Variants in B3GAT1 observed in about 807,000 individuals in gnomAD.
B3GAT1 encodes the protein galactosylgalactosylxylosylprotein 3-beta-glucuronosyltransferase 1.
Under a neutral mutation model 28.4 loss-of-function variants are expected in B3GAT1, and 11 were observed. The ratio of observed to expected loss-of-function variants is 0.39; its 90% CI spans 0.24 to 0.64. The LOEUF (loss-of-function observed/expected upper bound fraction) is 0.64, where lower values mean the gene tolerates loss of function less well. Ranked by LOEUF, B3GAT1 falls within the 30% of genes least tolerant of loss-of-function variation. The pLI is 0.50. For missense variants in B3GAT1, 375 were observed against 491.0 expected, an observed-to-expected ratio of 0.76 and a Z score of 2.23; for synonymous variants, 255 against 223.1, an observed-to-expected ratio of 1.14 and a Z score of -1.27.
intron 1 of B3GAT1, chr11:134,388,300 G>T: frequency 4.7e-6 from 1 of 214,796 alleles, no homozygotes; most frequent in South Asian, 8.6e-5. Flanking sequence ...ATGGGGCACT[G>T]TGGATCCCTA....
intron 1 of B3GAT1, among the ~76,000 whole-genome samples, chr11:134,401,538 A>G (rs554393895): frequency 3.8e-4 from 58 of 152,192 alleles, no homozygotes; most frequent in African/African-American, 1.3e-3. Context: ...GTACTCTTGG[A>G]CATAGAGATG....
chr11:134,400,725 GT>G (rs1267750997), intron 1 of B3GAT1, among the ~76,000 whole-genome samples: 1 of 152,182 alleles, frequency 6.6e-6, no homozygotes, highest in Admixed American at 6.5e-5. Context: ...TTATGGCTAA[GT>G]CCTCAAAAGC....
In B3GAT1 at chr11:134,384,054, G is replaced by C. The variant is rs780553907; in HGVS notation, c.247C>G (p.Leu83Val). ...GGCGTCACCACGTGGATGGTGGGCA[G>C]CGTGTCGGACCATGGCGGGGGCCGC... is the stretch of plus-strand genomic sequence containing the variant. ...YTRPPPWSDT[L>V]PTIHVVTPTY... Residue 83 changes from leucine (L) to valine (V), a missense_variant, in exon 3 of 6, where the codon CTG becomes GTG. Coordinates refer to ENST00000312527, the MANE Select transcript of B3GAT1 (RefSeq NM_054025.3). The C allele has an allele frequency of 5.6e-6, 9 of 1,605,142 alleles. No individual in the cohort carries two copies. Among genetic ancestry groups the C allele is most frequent in the Non-Finnish European group, 6.8e-6 (8 of 1,178,934 alleles).
At chr11:134,409,740 T>C (rs2136344756) in intron 1 of B3GAT1, 1 of 152,428 alleles carries the variant, frequency 6.6e-6, no homozygotes, top group African/African-American at 2.4e-5. Context: ...CTTCTGCCTG[T>C]GTGCCTCCCT....
chr11:134,396,096 C>T (rs1249765058), intron 1 of B3GAT1, among the ~76,000 whole-genome samples: 1 of 152,192 alleles, frequency 6.6e-6, no homozygotes, highest in Non-Finnish European at 1.5e-5. Flanking sequence ...GGATCTAGAG[C>T]CAATCTGCTA....
chr11:134,382,004 C>T lies in B3GAT1; in HGVS notation c.939G>A (p.Arg313=), dbSNP rs940687241. The T allele has an allele frequency of 1.2e-6, 2 of 1,614,036 alleles. No individual in the cohort carries two copies. Among genetic ancestry groups the T allele is most frequent in the East Asian group, 2.2e-5 (1 of 44,888 alleles). ...CATTCACCAGCACTGGCTTCTCTGTCCGTGTGTGCCACACCAGGATCTGTG... is the reference window on the plus strand; with the variant it reads ...CATTCACCAGCACTGGCTTCTCTGTTCGTGTGTGCCACACCAGGATCTGTG... The part of the protein sequence containing the change: ...NCTKILVWHT[R]TEKPVLVNEG... The change falls in exon 5 of 6, where the codon CGG becomes CGA. Residue 313 remains arginine (R), a synonymous_variant. Coordinates refer to ENST00000312527, the MANE Select transcript of B3GAT1 (RefSeq NM_054025.3).
At chr11:134,395,956 G>T (rs1383220121) in intron 1 of B3GAT1, among the ~76,000 whole-genome samples, 1 of 152,152 alleles carries the variant, frequency 6.6e-6, no homozygotes, top group African/African-American at 2.4e-5. Flanking sequence ...GGGTGGTGGT[G>T]GGAATGCGGG....
At position 134,410,930 on chromosome 11, in the gene B3GAT1, T is replaced by C. The variant is rs562165795; in HGVS notation, c.-282+877A>G. 1.5e-4 allele frequency among the ~76,000 whole-genome samples: 23 copies of C among 152,030 alleles called. No individual in the cohort carries two copies. In the South Asian group the frequency reaches 4.2e-3, roughly 27 times the overall value. On this transcript the variant is annotated intron_variant, in intron 1 of 5. Transcript: ENST00000312527. Reference sequence around the variant, plus strand: ...CTGGGCTAGCAACTGTCAGTAAAGGTCCCCTTCCTGTATGTCCAGAGTCCT... The same window carrying C: ...CTGGGCTAGCAACTGTCAGTAAAGGCCCCCTTCCTGTATGTCCAGAGTCCT...
rs143095342 is a variant in B3GAT1, at chr11:134,411,344, C to T, written c.-282+463G>A. Among the ~76,000 whole-genome samples, 1,585 of 152,178 alleles carry T rather than the reference C, an allele frequency of 0.01. 9 individuals carry two copies. The highest frequency in any genetic ancestry group is 0.014 in the Non-Finnish European group (982 of 68,010). On this transcript the variant is annotated intron_variant, in intron 1 of 5. Coordinates refer to ENST00000312527, the MANE Select transcript of B3GAT1 (RefSeq NM_054025.3). This position sits in a 1 kb window ranked among gnomAD's most constrained non-coding sequence, Gnocchi z 6.0. ...CTCAGCGCGCCCCGCAGAGCTCGGG[C>T]CCCCTCAAGAGAGTTAACTTGGCAG... is the stretch of plus-strand genomic sequence containing the variant.
chr11:134,397,365 C>T (rs1031540164), intron 1 of B3GAT1, among the ~76,000 whole-genome samples: 1 of 152,098 alleles, frequency 6.6e-6, no homozygotes, highest in South Asian at 2.1e-4. Flanking sequence ...GCCCTGCGCC[C>T]GCCCACCACT....
intron 3 of B3GAT1, among the ~76,000 whole-genome samples, chr11:134,383,400 C>G (rs1944182009): frequency 6.6e-6 from 1 of 152,154 alleles, no homozygotes; most frequent in African/African-American, 2.4e-5. Context: ...TTCTGGTAGT[C>G]ACGCAGAATG....
intron 1 of B3GAT1, among the ~76,000 whole-genome samples, chr11:134,400,553 G>T (rs1944593066): frequency 6.6e-6 from 1 of 152,226 alleles, no homozygotes; most frequent in Non-Finnish European, 1.5e-5. Context: ...CGGATGGCTA[G>T]CCATGTGCAG....
At chr11:134,395,021 A>C (rs1450068052) in intron 1 of B3GAT1, among the ~76,000 whole-genome samples, 1 of 152,216 alleles carries the variant, frequency 6.6e-6, no homozygotes, top group African/African-American at 2.4e-5. Flanking sequence ...TAACTGCAGG[A>C]ATCTCAACCG....
chr11:134,384,519 A>C (rs547143884), intron 2 of B3GAT1: 68 of 343,854 alleles, frequency 2.0e-4, no homozygotes, highest in African/African-American at 6.9e-4. Flanking sequence ...AGGCGTCCCG[A>C]CCCTCCCCTC....
chr11:134,409,329 G>C (rs1191835475), intron 1 of B3GAT1, among the ~76,000 whole-genome samples: 1 of 152,162 alleles, frequency 6.6e-6, no homozygotes, highest in East Asian at 1.9e-4. Flanking sequence ...TGGGGAGGGG[G>C]TGCATGACTT....
rs1944210770 is a variant in B3GAT1, at chr11:134,384,067, T to C, written c.234A>G (p.Pro78=). 6.2e-7 allele frequency: 1 copy of C among 1,603,508 alleles called. No individual in the cohort carries two copies. Among genetic ancestry groups the C allele is most frequent in the Non-Finnish European group, 8.5e-7 (1 of 1,178,264 alleles). Residue 78 remains proline (P), a synonymous_variant, in exon 3 of 6, where the codon CCA becomes CCG. Transcript: ENST00000312527. ...GGATGGTGGGCAGCGTGTCGGACCA[T>C]GGCGGGGGCCGCGTGTACACGTACT... ...RTEYVYTRPP[P]WSDTLPTIHV... is the part of the protein sequence containing the mutation.
Position 134,411,402 on chromosome 11 carries a change from C to A in B3GAT1, c.-282+405G>T, listed in dbSNP as rs1200561658. 6.6e-6 allele frequency among the ~76,000 whole-genome samples: 1 copy of A among 152,120 alleles called. No homozygotes were observed. Among genetic ancestry groups the A allele is most frequent in the Non-Finnish European group, 1.5e-5 (1 of 68,008 alleles). ...GAGCCAGAGAGCGATCCAGAGAGCG[C>A]TGTTGGGCAGCAGGGGTGGGGAGGT... On this transcript the variant is annotated intron_variant, in intron 1 of 5. Transcript: ENST00000312527. This position sits in a 1 kb window ranked among gnomAD's most constrained non-coding sequence, Gnocchi z 6.0.
chr11:134,382,033 C>T lies in B3GAT1; in HGVS notation c.919-9G>A. ...GTGTGCCACACCAGGATCTGTGTGCCCAGAGATGCAAAACATGGTGGGACA... is the reference window on the plus strand; with the variant it reads ...GTGTGCCACACCAGGATCTGTGTGCTCAGAGATGCAAAACATGGTGGGACA... On this transcript the variant is annotated splice_polypyrimidine_tract_variant and intron_variant, in intron 4 of 5. Transcript: ENST00000312527. 3 of 1,613,870 alleles carry T rather than the reference C, an allele frequency of 1.9e-6. No homozygotes were observed. Among genetic ancestry groups the T allele is most frequent in the Non-Finnish European group, 2.5e-6 (3 of 1,179,890 alleles).
At chr11:134,395,914 G>A (rs1361611382) in intron 1 of B3GAT1, among the ~76,000 whole-genome samples, 1 of 152,208 alleles carries the variant, frequency 6.6e-6, no homozygotes, top group Admixed American at 6.5e-5. Context: ...CTGGAGGGCT[G>A]ACTGAGGAAG....
Sources: gnomAD v4.1 joint callset for allele counts (sites outside exome capture counted in the v4.1 genomes callset) on GRCh38, gnomAD v4.1.1 for gene constraint, Gnocchi (gnomAD v3.1) non-coding constraint, MANE v1.5 for transcripts, NCBI Gene and HGNC (gene_info 2026-07-23, HGNC 2026-07-21) for gene names.